CTNND2: variants seen among roughly 807,000 people sequenced by gnomAD.
CTNND2 encodes catenin delta 2.
A neutral mutation model predicts 144.4 loss-of-function variants in CTNND2; 22 were observed. The observed-to-expected ratio is 0.15, with a 90% confidence interval of 0.11 to 0.22. The LOEUF (loss-of-function observed/expected upper bound fraction) is 0.22, where lower values mean the gene tolerates loss of function less well. Among genes scored for constraint, CTNND2 ranks in the 10% least tolerant of loss-of-function variants. The pLI is 1.00. For synonymous variants in CTNND2, 751 were observed against 695.6 expected (o/e 1.08, Z -1.25); for missense variants, 1,353 against 1,618.8 (o/e 0.84, Z 2.82).
intron 12 of CTNND2, among the ~76,000 whole-genome samples, chr5:11,144,828 T>A (rs1757092659): frequency 6.6e-6 from 1 of 152,108 alleles, no homozygotes; most frequent in Non-Finnish European, 1.5e-5. Context: ...AATAGATGTG[T>A]GTAGGATGCT....
At chr5:11,170,995 A>C (rs1056586808) in intron 11 of CTNND2, among the ~76,000 whole-genome samples, 2 of 152,148 alleles carry the variant, frequency 1.3e-5, no homozygotes, top group Non-Finnish European at 2.9e-5. Flanking sequence ...GTATGGGAAA[A>C]ACCTGCTCCC....
chr5:11,553,019 G>A (rs926499904), intron 3 of CTNND2, among the ~76,000 whole-genome samples: 2 of 152,196 alleles, frequency 1.3e-5, no homozygotes, highest in African/African-American at 4.8e-5. Context: ...GCAGGGAGAG[G>A]AATAAGCGTG....
At position 11,364,676 on chromosome 5, in the gene CTNND2, G is replaced by A. The variant is rs371207407; in HGVS notation, c.1372+20C>T. ...CCACCCCCTGTGGACAGGCCACCCA[G>A]TGGGGTCCTGATTACACACCTGTGC... On this transcript the variant is annotated intron_variant, in intron 8 of 21. Coordinates refer to ENST00000304623, the MANE Select transcript of CTNND2 (RefSeq NM_001332.4). 1.3e-6 allele frequency: 2 copies of A among 1,591,240 alleles called. No homozygotes were observed. Among genetic ancestry groups the A allele is most frequent in the Non-Finnish European group, 8.5e-7 (1 of 1,172,038 alleles).
At chr5:11,240,202 CA>C (rs1742096738) in intron 9 of CTNND2, among the ~76,000 whole-genome samples, 7 of 133,500 alleles carry the variant, frequency 5.2e-5, no homozygotes, top group African/African-American at 8.5e-5. Context: ...CACACACACA[CA>C]CACCCCCAAC....
At chr5:11,325,046 A>G (rs1417167315) in intron 9 of CTNND2, among the ~76,000 whole-genome samples, 1 of 151,846 alleles carries the variant, frequency 6.6e-6, no homozygotes, top group African/African-American at 2.4e-5. Context: ...GTGTTTAAGG[A>G]GAGCTGAAAC....
chr5:11,288,317 A>T (rs1189020203), intron 9 of CTNND2, among the ~76,000 whole-genome samples: 1 of 150,718 alleles, frequency 6.6e-6, no homozygotes, highest in Admixed American at 6.6e-5. Flanking sequence ...AATGTTTTCT[A>T]GTGTGCCTTC....
chr5:11,059,869 T>C (rs1746753654), intron 16 of CTNND2, among the ~76,000 whole-genome samples: 1 of 152,196 alleles, frequency 6.6e-6, no homozygotes, highest in African/African-American at 2.4e-5. Flanking sequence ...TGTATATATA[T>C]AGATATACCC....
intron 1 of CTNND2, among the ~76,000 whole-genome samples, chr5:11,821,606 A>C (rs1252701238): frequency 6.6e-6 from 1 of 152,156 alleles, no homozygotes; most frequent in Non-Finnish European, 1.5e-5. Context: ...CCCCTGTGTC[A>C]GTTCTACACT....
chr5:11,425,550 C>T (rs926865855), intron 3 of CTNND2, among the ~76,000 whole-genome samples: 1 of 152,182 alleles, frequency 6.6e-6, no homozygotes, highest in Non-Finnish European at 1.5e-5. Flanking sequence ...AATGAGAGGT[C>T]TGATGAAACA....
chr5:11,095,797 T>C (rs1488648288), intron 15 of CTNND2, among the ~76,000 whole-genome samples: 1 of 152,208 alleles, frequency 6.6e-6, no homozygotes, highest in Non-Finnish European at 1.5e-5. Flanking sequence ...TTTTTTTTCT[T>C]TGTTACTAAT....
At chr5:11,664,757 A>G (rs1001955131) in intron 2 of CTNND2, among the ~76,000 whole-genome samples, 1 of 152,144 alleles carries the variant, frequency 6.6e-6, no homozygotes, top group Non-Finnish European at 1.5e-5. Context: ...TATTTCCTCC[A>G]TGGATACTTA....
intron 16 of CTNND2, among the ~76,000 whole-genome samples, chr5:11,060,824 T>G (rs908290083): frequency 1.3e-5 from 2 of 152,256 alleles, no homozygotes; most frequent in African/African-American, 4.8e-5. Context: ...AAGACAATTA[T>G]GTAAGAAACC....
intron 10 of CTNND2, among the ~76,000 whole-genome samples, chr5:11,204,221 T>C (rs752645007): frequency 7.9e-5 from 12 of 152,238 alleles, no homozygotes; most frequent in Non-Finnish European, 1.8e-4. Context: ...TCTTTTGTTT[T>C]GTTTTTGGGT....
At chr5:11,633,201 T>G (rs1372737866) in intron 2 of CTNND2, among the ~76,000 whole-genome samples, 1 of 152,088 alleles carries the variant, frequency 6.6e-6, no homozygotes, top group Non-Finnish European at 1.5e-5. Context: ...ACATCAGAGT[T>G]AACACGTTGA....
rs544486417 is a variant in CTNND2, at chr5:11,531,419, A to G, written c.287+33525T>C. On this transcript the variant is annotated intron_variant, in intron 3 of 21. Coordinates refer to ENST00000304623, the MANE Select transcript of CTNND2 (RefSeq NM_001332.4). ...GGAGGGTAGATATCCTGAGATCAGGAGTTCGAGGCCAGCCTGGCCAACATG... is the reference window on the plus strand; with the variant it reads ...GGAGGGTAGATATCCTGAGATCAGGGGTTCGAGGCCAGCCTGGCCAACATG... 5.7e-3 allele frequency among the ~76,000 whole-genome samples: 872 copies of G among 152,256 alleles called. 8 individuals are homozygous for G. The highest frequency in any genetic ancestry group is 0.02 in the African/African-American group (845 of 41,538).
In CTNND2 at chr5:10,971,858, T is replaced by G. The variant is rs1427005515; in HGVS notation, c.*1595A>C. On this transcript the variant is annotated 3_prime_UTR_variant, in exon 22 of 22. Coordinates refer to ENST00000304623, the MANE Select transcript of CTNND2 (RefSeq NM_001332.4). ...CAATTTCTTTTGTTACTGATGTTTT[T>G]ATTTTTTCCAAGAACAGTTAACATT... 6.5e-6 allele frequency: 1 copy of G among 152,674 alleles called. No individual in the cohort carries two copies. The highest frequency in any genetic ancestry group is 1.5e-5 in the Non-Finnish European group (1 of 68,028). 9.5% of individuals were successfully genotyped at this position (152,674 alleles called of 1,614,324 possible).
intron 2 of CTNND2, among the ~76,000 whole-genome samples, chr5:11,565,276 T>A (rs1776986949): frequency 2.0e-5 from 3 of 152,244 alleles, no homozygotes; most frequent in Admixed American, 2.0e-4. Context: ...GTTTCATCAT[T>A]TGTAAAACAG....
At chr5:11,339,280 T>G (rs1369978687) in intron 9 of CTNND2, among the ~76,000 whole-genome samples, 2 of 149,916 alleles carry the variant, frequency 1.3e-5, no homozygotes. Flanking sequence ...AACAGCCTCA[T>G]TTTTTAAACA....
chr5:11,388,045 A>ATT (rs1759266401), intron 6 of CTNND2, among the ~76,000 whole-genome samples: 1 of 152,234 alleles, frequency 6.6e-6, no homozygotes, highest in Admixed American at 6.5e-5. Flanking sequence ...AGCTGTAGAC[A>ATT]TTTTGACAAG....
Sources: gnomAD v4.1 joint callset for allele counts (sites outside exome capture counted in the v4.1 genomes callset) on GRCh38, gnomAD v4.1.1 for gene constraint, MANE v1.5 for transcripts, NCBI Gene and HGNC (gene_info 2026-07-23, HGNC 2026-07-21) for gene names.